Variants in LNX1 observed in about 807,000 individuals in gnomAD.
The protein encoded by LNX1 is E3 ubiquitin-protein ligase LNX.
In LNX1, 54 loss-of-function variants were observed where a neutral mutation model predicts 68.4. That is an observed-to-expected ratio of 0.79 (90% CI 0.63 to 0.99). LNX1 has a LOEUF of 0.99. Among genes scored for constraint, LNX1 ranks in the 50% least tolerant of loss-of-function variants. The probability of loss-of-function intolerance (pLI) is 0.00; values close to 1 mark genes in which losing one functional copy is unlikely to be tolerated. For missense variants in LNX1, 906 were observed against 926.4 expected (o/e 0.98, Z 0.29); for synonymous variants, 336 against 350.0 (o/e 0.96, Z 0.45).
At chr4:53,646,255 C>A (rs1396861632) in intron 1 of LNX1, among the ~76,000 whole-genome samples, 1 of 152,138 alleles carries the variant, frequency 6.6e-6, no homozygotes, top group Non-Finnish European at 1.5e-5. Context: ...AATTGCCAGG[C>A]AGGTATTGGT....
intron 2 of LNX1, chr4:53,523,399 G>T (rs1334078748): frequency 6.6e-6 from 1 of 152,250 alleles, no homozygotes; most frequent in African/African-American, 2.4e-5. Flanking sequence ...TGATTCTCCT[G>T]CCTCAGCCTC....
At chr4:53,494,998 G>A (rs750181309) in intron 6 of LNX1, among the ~76,000 whole-genome samples, 1 of 152,160 alleles carries the variant, frequency 6.6e-6, no homozygotes, top group African/African-American at 2.4e-5. Flanking sequence ...TAAGGAGGAC[G>A]TGGGGCGGGG....
At chr4:53,499,168 T>C (rs1725294653) in intron 4 of LNX1, among the ~76,000 whole-genome samples, 1 of 152,156 alleles carries the variant, frequency 6.6e-6, no homozygotes, top group African/African-American at 2.4e-5. Flanking sequence ...TTTACCTTTT[T>C]GTTTTTGTTT....
rs566909613 is a variant in LNX1 at position 53,646,224 on chromosome 4, CT to C, written c.-215+5943del. On this transcript the variant is annotated intron_variant, in intron 1 of 2. Coordinates refer to the LNX1 transcript ENST00000507168. ...TATTTCCCATGATTTTATGGCAGAG[CT>C]CCAACTCTGAGATGCCTCCAATTGC... Among the ~76,000 whole-genome samples, 55 of 152,250 alleles carry C rather than the reference CT, an allele frequency of 3.6e-4. 1 individual carries two copies. The highest frequency in any genetic ancestry group is 1.2e-3 in the Admixed American group (19 of 15,292).
Position 53,495,843 on chromosome 4 carries a change from C to T in LNX1, c.1350+180G>A, listed in dbSNP as rs200944901. 7.2e-5 allele frequency among the ~76,000 whole-genome samples: 11 copies of T among 152,286 alleles called. No homozygotes were observed. In the East Asian group the frequency reaches 1.5e-3, roughly 21 times the overall value. ...ACAGGCATGGGCCACCACGCCCAGC[C>T]GAGTAATGTTCTTACCTGGGCAGAA... On this transcript the variant is annotated intron_variant, in intron 6 of 10. Coordinates refer to ENST00000263925, the MANE Select transcript of LNX1 (RefSeq NM_001126328.3).
At chr4:53,573,374 T>G (rs1407436519) in intron 2 of LNX1, among the ~76,000 whole-genome samples, 2 of 152,192 alleles carry the variant, frequency 1.3e-5, no homozygotes, top group African/African-American at 4.8e-5. Context: ...ATACTCATAG[T>G]GGTTAAAAAT....
At chr4:53,480,867 G>A (rs1723865404) in intron 7 of LNX1, among the ~76,000 whole-genome samples, 1 of 152,188 alleles carries the variant, frequency 6.6e-6, no homozygotes, top group African/African-American at 2.4e-5. Flanking sequence ...TCTGTTGCAA[G>A]AAGAATGAGC....
At chr4:53,466,450 T>A (rs1722688524) in intron 9 of LNX1, among the ~76,000 whole-genome samples, 1 of 152,204 alleles carries the variant, frequency 6.6e-6, no homozygotes, top group African/African-American at 2.4e-5. Flanking sequence ...CATTTCCAAC[T>A]GAGATACTGG....
chr4:53,482,636 G>A (rs1478164722), intron 6 of LNX1, among the ~76,000 whole-genome samples: 1 of 152,200 alleles, frequency 6.6e-6, no homozygotes, highest in Non-Finnish European at 1.5e-5. Context: ...GTTCTCACTT[G>A]TAAGTGGGAG....
intron 6 of LNX1, among the ~76,000 whole-genome samples, chr4:53,487,599 T>A (rs1176750080): frequency 1.3e-5 from 2 of 152,136 alleles, no homozygotes; most frequent in Non-Finnish European, 2.9e-5. Context: ...ATCAGGACCG[T>A]GTTGTTCAAA....
intron 9 of LNX1, among the ~76,000 whole-genome samples, chr4:53,463,638 C>CGAA (rs71662229): frequency 0.69 from 105,003 of 151,364 alleles, 36,477 homozygotes; most frequent in Middle Eastern, 0.72. Context: ...TTAGGCCTAT[C>CGAA]GAAGATTTGG....
intron 1 of LNX1, among the ~76,000 whole-genome samples, chr4:53,646,461 C>G (rs1734884992): frequency 6.6e-6 from 1 of 152,224 alleles, no homozygotes; most frequent in Admixed American, 6.5e-5. Context: ...TCTTACTTAT[C>G]TGTCTACTTG....
chr4:53,579,938 T>C (rs1731728767), intron 1 of LNX1, among the ~76,000 whole-genome samples: 1 of 152,246 alleles, frequency 6.6e-6, no homozygotes, highest in African/African-American at 2.4e-5. Context: ...AATTGTTGCC[T>C]GAGTCACAGT....
chr4:53,584,612 G>C (rs2109806056), intron 1 of LNX1, among the ~76,000 whole-genome samples: 1 of 152,290 alleles, frequency 6.6e-6, no homozygotes, highest in South Asian at 2.1e-4. Flanking sequence ...AAGAACCTGA[G>C]CAAATGTGTC....
intron 2 of LNX1, among the ~76,000 whole-genome samples, chr4:53,554,861 A>AG (rs1729788716): frequency 6.6e-6 from 1 of 151,974 alleles, no homozygotes; most frequent in South Asian, 2.1e-4. Context: ...CAAAAAAAAA[A>AG]AAAAAATCCT....
chr4:53,474,047 T>C (rs1460730403), intron 9 of LNX1, among the ~76,000 whole-genome samples: 2 of 152,194 alleles, frequency 1.3e-5, no homozygotes, highest in African/African-American at 2.4e-5. Context: ...TTAGCAGTGA[T>C]GCAATGCCTA....
At chr4:53,508,576 G>A (rs953766438) in intron 2 of LNX1, among the ~76,000 whole-genome samples, 5 of 152,158 alleles carry the variant, frequency 3.3e-5, no homozygotes, top group African/African-American at 1.2e-4. Flanking sequence ...CTGCTTGCTG[G>A]TGTTTATTTT....
rs536756560 is a variant in LNX1, at chr4:53,610,133, T to G, written c.-215+6384A>C. 2.0e-5 allele frequency among the ~76,000 whole-genome samples: 3 copies of G among 152,218 alleles called. No homozygotes were observed. The South Asian group carries it at 6.2e-4, about 32-fold the overall frequency. ...TAAAGTATTTTTATTGTTTTTCATA[T>G]GTCCGCAGAACATTTATAGAGACTG... On this transcript the variant is annotated intron_variant, in intron 2 of 3. Coordinates refer to the LNX1 transcript ENST00000504299.
At chr4:53,563,169 C>CTGG (rs1730404288) in intron 2 of LNX1, among the ~76,000 whole-genome samples, 1 of 151,996 alleles carries the variant, frequency 6.6e-6, no homozygotes, top group African/African-American at 2.4e-5. Flanking sequence ...TCGTGCCAGC[C>CTGG]TGGGCGACAG....
Sources: allele counts gnomAD v4.1 joint callset (sites outside exome capture counted in the v4.1 genomes callset), GRCh38; gene constraint gnomAD v4.1.1; transcripts MANE v1.5; gene names NCBI Gene and HGNC (gene_info 2026-07-23, HGNC 2026-07-21).